Variants in OSBPL8 observed in about 807,000 individuals in gnomAD.
The protein encoded by OSBPL8 is oxysterol binding protein like 8.
A neutral mutation model predicts 125.5 loss-of-function variants in OSBPL8; 59 were observed. The ratio of observed to expected loss-of-function variants is 0.47; its 90% CI spans 0.38 to 0.58. The LOEUF is 0.58. OSBPL8 is among the 20% of genes least tolerant of loss of function. The pLI is 0.00. For missense variants in OSBPL8, 758 were observed against 1,047.8 expected, an observed-to-expected ratio of 0.72 and a Z score of 3.82; for synonymous variants, 330 against 338.9, an observed-to-expected ratio of 0.97 and a Z score of 0.29.
intron 2 of OSBPL8, among the ~76,000 whole-genome samples, chr12:76,484,691 T>C (rs1447020214): frequency 6.6e-6 from 1 of 152,198 alleles, no homozygotes; most frequent in Non-Finnish European, 1.5e-5. Context: ...ACAGAGCTCA[T>C]GTTCTGATCC....
intron 21 of OSBPL8, among the ~76,000 whole-genome samples, chr12:76,363,098 C>T (rs190783208): frequency 6.6e-6 from 1 of 152,310 alleles, no homozygotes; most frequent in Admixed American, 6.5e-5. Flanking sequence ...TGAAAATGGC[C>T]ATACGGCCAT....
rs757369266 is a variant in OSBPL8 at position 76,402,710 on chromosome 12, G to A, written c.345C>T (p.Leu115=). The A allele has an allele frequency of 1.2e-6, 2 of 1,605,912 alleles. No individual in the cohort carries two copies. The highest frequency in any genetic ancestry group is 3.3e-5 in the Admixed American group (2 of 59,748). ...SEKDSSTSSK[L]TKKESLKVQK... The stretch of plus-strand genomic sequence containing the variant: ...TAACCTTAAGAGATTCTTTTTTTGT[G>A]AGTTTGCTTGAAGTTGAACTGTCCT... The change falls in exon 6 of 24, where the codon CTC becomes CTT. Residue 115 remains leucine, a synonymous_variant. Transcript: ENST00000261183.
intron 4 of OSBPL8, among the ~76,000 whole-genome samples, chr12:76,420,953 C>A (rs1869399281): frequency 6.6e-6 from 1 of 151,980 alleles, no homozygotes; most frequent in African/African-American, 2.4e-5. Context: ...AAACCATTTA[C>A]TTTTCTATAG....
intron 21 of OSBPL8, chr12:76,366,515 A>T: frequency 2.6e-6 from 1 of 382,676 alleles, no homozygotes; most frequent in Non-Finnish European, 5.1e-6. Context: ...CACAAATTCT[A>T]TTTTTTTCCT....
At chr12:76,395,253 A>G (rs1408989103) in intron 8 of OSBPL8, among the ~76,000 whole-genome samples, 10 of 152,196 alleles carry the variant, frequency 6.6e-5, no homozygotes, top group Admixed American at 6.5e-4. Context: ...AAAGAAAAAG[A>G]AATTCTGTCG....
At chr12:76,493,387 T>C (rs1878940717) in intron 1 of OSBPL8, among the ~76,000 whole-genome samples, 1 of 152,232 alleles carries the variant, frequency 6.6e-6, no homozygotes, top group African/African-American at 2.4e-5. Flanking sequence ...AAGAATTCTC[T>C]TTCATTTTTT....
At chr12:76,474,464 G>T (rs1023656318) in intron 2 of OSBPL8, among the ~76,000 whole-genome samples, 1 of 152,142 alleles carries the variant, frequency 6.6e-6, no homozygotes, top group Admixed American at 6.5e-5. Flanking sequence ...AATTTTGTGT[G>T]TATATGTATA....
intron 1 of OSBPL8, among the ~76,000 whole-genome samples, chr12:76,547,072 C>T (rs757416238): frequency 1.3e-5 from 2 of 152,102 alleles, no homozygotes; most frequent in East Asian, 1.9e-4. Flanking sequence ...TTAAATCTGG[C>T]GTGTAAAAAC....
intron 4 of OSBPL8, among the ~76,000 whole-genome samples, chr12:76,441,621 G>A (rs1208087543): frequency 1.3e-5 from 2 of 151,990 alleles, no homozygotes; most frequent in Admixed American, 6.6e-5. Context: ...GCTAAGAAAC[G>A]AGTACAGGTA....
intron 1 of OSBPL8, among the ~76,000 whole-genome samples, chr12:76,537,556 A>T (rs1284381191): frequency 6.6e-6 from 1 of 152,212 alleles, no homozygotes; most frequent in Non-Finnish European, 1.5e-5. Context: ...AAGTTCTCTG[A>T]ATGAGAGAAA....
chr12:76,417,065 A>G (rs1395035517), intron 4 of OSBPL8, among the ~76,000 whole-genome samples: 2 of 152,224 alleles, frequency 1.3e-5, no homozygotes, highest in Non-Finnish European at 2.9e-5. Context: ...ATACACAATA[A>G]CTGTCATATA....
intron 1 of OSBPL8, among the ~76,000 whole-genome samples, chr12:76,493,125 C>G (rs1878908469): frequency 1.3e-5 from 2 of 152,178 alleles, no homozygotes; most frequent in Admixed American, 1.3e-4. Flanking sequence ...AGTCCATTGC[C>G]TTCTCTGAGT....
In OSBPL8 at chr12:76,448,688, T is replaced by C. The variant is rs148792726; in HGVS notation, c.217+2163A>G. Among the ~76,000 whole-genome samples the C allele has an allele frequency of 3.3e-3, 499 of 152,330 alleles. 3 individuals are homozygous for C. The highest frequency in any genetic ancestry group is 0.011 in the African/African-American group (450 of 41,572). On this transcript the variant is annotated intron_variant, in intron 4 of 23. Transcript: ENST00000261183. ...ACCATGCTATATGAAAGTGTTTCCA[T>C]CTAATATATGACTAGATAAACATTT... is the stretch of plus-strand genomic sequence containing the variant.
intron 1 of OSBPL8, among the ~76,000 whole-genome samples, chr12:76,518,989 G>C (rs1298878572): frequency 6.6e-6 from 1 of 152,292 alleles, no homozygotes; most frequent in East Asian, 1.9e-4. Flanking sequence ...CTCCCTTTTA[G>C]TCATGCTAAT....
chr12:76,415,167 C>G (rs547249144), intron 4 of OSBPL8, among the ~76,000 whole-genome samples: 1 of 152,186 alleles, frequency 6.6e-6, no homozygotes, highest in East Asian at 1.9e-4. Context: ...ATTATTCTTT[C>G]ATTTAACGGT....
At chr12:76,467,277 GTTCTTCCTCTACC>G (rs1444615772) in intron 2 of OSBPL8, among the ~76,000 whole-genome samples, 1 of 152,080 alleles carries the variant, frequency 6.6e-6, no homozygotes, top group African/African-American at 2.4e-5. Context: ...ACTATTTGTT[GTTCTTCCTCTACC>G]TGCTCTTTTC....
chr12:76,508,330 GC>G (rs1213759923), intron 1 of OSBPL8, among the ~76,000 whole-genome samples: 1 of 152,202 alleles, frequency 6.6e-6, no homozygotes, highest in African/African-American at 2.4e-5. Flanking sequence ...GTAGTCATCA[GC>G]CATACCATAT....
chr12:76,419,181 C>A (rs972798234), intron 4 of OSBPL8, among the ~76,000 whole-genome samples: 1 of 147,406 alleles, frequency 6.8e-6, no homozygotes, highest in African/African-American at 2.5e-5. Context: ...GGCTGCAGTG[C>A]GCCGAGATCA....
At chr12:76,430,861 A>G (rs1310224089) in intron 4 of OSBPL8, among the ~76,000 whole-genome samples, 1 of 152,208 alleles carries the variant, frequency 6.6e-6, no homozygotes, top group Non-Finnish European at 1.5e-5. Flanking sequence ...CCTGCCTTAC[A>G]ATAAGTGCCA....
Sources: allele counts gnomAD v4.1 joint callset (sites outside exome capture counted in the v4.1 genomes callset), GRCh38; gene constraint gnomAD v4.1.1; transcripts MANE v1.5; gene names NCBI Gene and HGNC (gene_info 2026-07-23, HGNC 2026-07-21).